HMCN1: variants seen among roughly 807,000 people sequenced by gnomAD.
HMCN1 encodes hemicentin-1.
In HMCN1, 321 loss-of-function variants were observed where a neutral mutation model predicts 625.9. That is an observed-to-expected ratio of 0.51 (90% confidence interval 0.47 to 0.56). The LOEUF is 0.56. Among genes scored for constraint, HMCN1 ranks in the 20% least tolerant of loss-of-function variants. HMCN1 has a pLI of 0.00. For missense variants in HMCN1, 6,588 were observed against 6,887.3 expected (o/e 0.96, Z 1.54); for synonymous variants, 2,425 against 2,417.6 (o/e 1.00, Z -0.09).
chr1:185,898,359 C>T (rs1041305217), intron 4 of HMCN1, among the ~76,000 whole-genome samples: 1 of 152,162 alleles, frequency 6.6e-6, no homozygotes, highest in Non-Finnish European at 1.5e-5. Flanking sequence ...CTGTTCACTC[C>T]ATTACTTCCA....
At chr1:186,077,675 C>T (rs555692144) in intron 54 of HMCN1, among the ~76,000 whole-genome samples, 31 of 152,046 alleles carry the variant, frequency 2.0e-4, no homozygotes, top group Non-Finnish European at 3.8e-4. Flanking sequence ...TACAGCTATC[C>T]TCATAAGAAT....
chr1:185,813,773 C>G (rs1659675051), intron 1 of HMCN1, among the ~76,000 whole-genome samples: 1 of 152,074 alleles, frequency 6.6e-6, no homozygotes, highest in Admixed American at 6.6e-5. Flanking sequence ...CTTATTTTTA[C>G]TTGTGTTTGC....
At chr1:185,866,397 ATTTTTTTT>A (rs969071873) in intron 4 of HMCN1, among the ~76,000 whole-genome samples, 53 of 102,602 alleles carry the variant, frequency 5.2e-4, no homozygotes, top group African/African-American at 2.0e-3. Flanking sequence ...GTTTGTCATA[ATTTTTTTT>A]TTTTTTTTTT....
Position 186,125,508 on chromosome 1 carries a change from A to G in HMCN1, c.12500-96A>G, listed in dbSNP as rs1661599054. ...CATTTTTAGTATTTCTAGCAAAATT[A>G]CCCTGAAAAGAGTTTTTTATGTGTT... On this transcript the variant is annotated intron_variant, in intron 81 of 106. Transcript: ENST00000271588. 10 of 895,204 alleles carry G rather than the reference A, an allele frequency of 1.1e-5. No homozygotes were observed. In the South Asian group the frequency reaches 1.1e-4, roughly 10 times the overall value. The allele number at this position is 895,204 out of a possible 1,614,324, so 55.5% of individuals were successfully genotyped here.
chr1:185,774,628 A>G (rs1389080291), intron 1 of HMCN1, among the ~76,000 whole-genome samples: 1 of 152,154 alleles, frequency 6.6e-6, no homozygotes, highest in Non-Finnish European at 1.5e-5. Flanking sequence ...ATTAGCATAT[A>G]TGTGTAATCC....
chr1:185,922,488 G>A lies in HMCN1; in HGVS notation c.1010G>A (p.Arg337Lys), dbSNP rs1180438359. ...CTGGACTTCAAAAAAACAGTCAGCA[G>A]ACCAGTGCAAGGTTTGTATGTGCAT... The part of the protein sequence containing the change: ...PTLDFKKTVS[R>K]PVQGIPTYVL... The change falls in exon 7 of 107, where the codon AGA (arginine) becomes AAA (lysine). Residue 337 changes from arginine to lysine, a missense_variant. By Grantham distance (26) the Arg-to-Lys change is conservative (BLOSUM62 2). Coordinates refer to ENST00000271588, the MANE Select transcript of HMCN1 (RefSeq NM_031935.3). 1.9e-6 allele frequency: 3 copies of A among 1,612,454 alleles called. No individual in the cohort carries two copies. The highest frequency in any genetic ancestry group is 1.3e-5 in the African/African-American group (1 of 74,988).
chr1:186,079,399 A>G (rs1033693291), intron 55 of HMCN1, among the ~76,000 whole-genome samples: 4 of 152,146 alleles, frequency 2.6e-5, no homozygotes, highest in African/African-American at 9.7e-5. Context: ...CACGCAAGCC[A>G]TGTCAAGCCA....
chr1:185,806,512 G>A (rs964363215), intron 1 of HMCN1, among the ~76,000 whole-genome samples: 25 of 143,646 alleles, frequency 1.7e-4, no homozygotes, highest in African/African-American at 5.8e-4. Context: ...ATGCCACTTC[G>A]CTGTAGCCTG....
chr1:186,131,168 T>C (rs1661912469), intron 85 of HMCN1, among the ~76,000 whole-genome samples: 1 of 152,170 alleles, frequency 6.6e-6, no homozygotes, highest in Non-Finnish European at 1.5e-5. Context: ...AGAATACACA[T>C]TAATTTGTTA....
intron 6 of HMCN1, among the ~76,000 whole-genome samples, chr1:185,912,093 C>T (rs547725719): frequency 5.3e-5 from 8 of 152,136 alleles, no homozygotes; most frequent in Admixed American, 4.6e-4. Flanking sequence ...GGAGCCAACA[C>T]AGAATAACGG....
At chr1:186,138,084 C>G (rs1649732001) in intron 89 of HMCN1, 112 bp downstream of exon 89, 1 of 1,124,346 alleles carries the variant, frequency 8.9e-7, no homozygotes, top group Non-Finnish European at 1.3e-6. Flanking sequence ...ATGGCCTCTA[C>G]CCTTGAGAAT....
intron 4 of HMCN1, among the ~76,000 whole-genome samples, chr1:185,884,753 A>G (rs1664527149): frequency 6.6e-6 from 1 of 152,032 alleles, no homozygotes; most frequent in South Asian, 2.1e-4. Context: ...TATTTTATAG[A>G]GGACCCATGG....
At chr1:185,767,815 A>T (rs1227599165) in intron 1 of HMCN1, among the ~76,000 whole-genome samples, 1 of 152,188 alleles carries the variant, frequency 6.6e-6, no homozygotes, top group East Asian at 1.9e-4. Context: ...TTTTCATTAC[A>T]AGATAAAGTC....
chr1:185,782,771 C>T (rs1557964580), intron 1 of HMCN1, among the ~76,000 whole-genome samples: 1 of 152,022 alleles, frequency 6.6e-6, no homozygotes, highest in Non-Finnish European at 1.5e-5. Context: ...CTCTGGGTGC[C>T]CTTAACATTT....
rs369503030 is a variant in HMCN1 at position 186,144,597 on chromosome 1, C to T, written c.14160C>T (p.Ala4720=). ...GTTCTGTGTCATGTGGAGGAGGTGC[C>T]AGACAGAGAACAAGGGGCTGCTCCG... The part of the protein sequence containing the change: ...SACSVSCGGG[A]RQRTRGCSDP... Residue 4720 remains alanine, a synonymous_variant, in exon 91 of 107, where the codon GCC becomes GCT. Transcript: ENST00000271588. The T allele has an allele frequency of 1.4e-5, 23 of 1,613,892 alleles. No homozygotes were observed. The highest frequency in any genetic ancestry group is 1.6e-5 in the Non-Finnish European group (19 of 1,179,982).
intron 1 of HMCN1, among the ~76,000 whole-genome samples, chr1:185,804,933 A>T (rs186140395): frequency 1.4e-4 from 21 of 151,974 alleles, no homozygotes; most frequent in Admixed American, 7.9e-4. Flanking sequence ...ACCTAGTTTT[A>T]AAAAAAACTA....
intron 86 of HMCN1, among the ~76,000 whole-genome samples, chr1:186,133,375 C>G (rs1411588096): frequency 6.6e-6 from 1 of 152,094 alleles, no homozygotes; most frequent in Non-Finnish European, 1.5e-5. Context: ...TGGCTGTCAT[C>G]TTTCATGAAA....
At chr1:186,030,285 T>G (rs1246152423) in intron 36 of HMCN1, among the ~76,000 whole-genome samples, 1 of 152,090 alleles carries the variant, frequency 6.6e-6, no homozygotes, top group Non-Finnish European at 1.5e-5. Context: ...AAGTGGGATA[T>G]CGAAGTCTCT....
At chr1:186,175,872 G>T (rs2102647567) in intron 103 of HMCN1, among the ~76,000 whole-genome samples, 1 of 78,516 alleles carries the variant, frequency 1.3e-5, no homozygotes, top group Admixed American at 1.2e-4. Flanking sequence ...GTGAAACTAT[G>T]TCTCAAAAAA....
Sources: allele counts gnomAD v4.1 joint callset (sites outside exome capture counted in the v4.1 genomes callset), GRCh38; gene constraint gnomAD v4.1.1; transcripts MANE v1.5; gene names NCBI Gene and HGNC (gene_info 2026-07-23, HGNC 2026-07-21).